Variants in CSMD1 observed in about 807,000 individuals in gnomAD.
CSMD1 encodes the protein CUB and sushi domain-containing protein 1.
Under a neutral mutation model 417.5 loss-of-function variants are expected in CSMD1, and 213 were observed. That is an observed-to-expected ratio of 0.51 (90% CI 0.46 to 0.57). The LOEUF (loss-of-function observed/expected upper bound fraction) is 0.57, where lower values mean the gene tolerates loss of function less well. CSMD1 is among the 20% of genes least tolerant of loss of function. CSMD1 has a pLI of 0.00. For synonymous variants in CSMD1, 2,862 were observed against 1,736.8 expected (o/e 1.65, Z -16.11); for missense variants, 6,923 against 4,529.7 (o/e 1.53, Z -15.17).
intron 1 of CSMD1, among the ~76,000 whole-genome samples, chr8:4,886,829 TCTC>T (rs1442786947): frequency 1.4e-4 from 22 of 152,112 alleles, no homozygotes; most frequent in Non-Finnish European, 4.4e-5. Context: ...TGTTAAATGA[TCTC>T]TTCTGTCATT....
chr8:3,138,023 G>A (rs538398725), intron 41 of CSMD1, among the ~76,000 whole-genome samples: 1 of 152,182 alleles, frequency 6.6e-6, no homozygotes, highest in Non-Finnish European at 1.5e-5. Flanking sequence ...TCAGGAGTTC[G>A]AGACCAACCT....
At chr8:4,077,147 G>T (rs564434623) in intron 3 of CSMD1, among the ~76,000 whole-genome samples, 1 of 151,534 alleles carries the variant, frequency 6.6e-6, no homozygotes, top group Non-Finnish European at 1.5e-5. Context: ...AAAGTTAAAT[G>T]ACGCATCCAA....
rs570894938 is a variant in CSMD1, at chr8:3,578,308, G to C, written c.1223-3242C>G. On this transcript the variant is annotated intron_variant, in intron 9 of 69. Transcript: ENST00000635120. Reference sequence around the variant, plus strand: ...GCTTTGTACTGAGTAGATCCAATGAGTGAGTGTCCTTGCTCAGGGAGCTTT... The same window carrying C: ...GCTTTGTACTGAGTAGATCCAATGACTGAGTGTCCTTGCTCAGGGAGCTTT... Among the ~76,000 whole-genome samples, 155 of 130,852 alleles carry C rather than the reference G, an allele frequency of 1.2e-3. 2 individuals are homozygous for C. The highest frequency in any genetic ancestry group is 3.4e-3 in the African/African-American group (139 of 40,734). 85.8% of individuals were successfully genotyped at this position (130,852 alleles called of 152,430 possible).
At chr8:3,246,529 T>G (rs892150705) in intron 26 of CSMD1, among the ~76,000 whole-genome samples, 6 of 152,210 alleles carry the variant, frequency 3.9e-5, no homozygotes, top group Non-Finnish European at 1.5e-5. Context: ...TGGTGTGCAG[T>G]GACTCAGTCT....
chr8:4,569,799 G>C (rs1055521778), intron 2 of CSMD1, among the ~76,000 whole-genome samples: 6 of 152,178 alleles, frequency 3.9e-5, no homozygotes, highest in Middle Eastern at 3.4e-3. Flanking sequence ...CCATTTGTTT[G>C]TGTCCTCTTT....
At chr8:3,183,281 C>G (rs1821537545) in intron 36 of CSMD1, 1 of 142,868 alleles carries the variant, frequency 7.0e-6, no homozygotes, top group South Asian at 2.3e-4. Context: ...CCTAATCTAT[C>G]TATCCCTGAA....
chr8:4,289,896 T>C (rs1797267098), intron 3 of CSMD1, among the ~76,000 whole-genome samples: 1 of 152,162 alleles, frequency 6.6e-6, no homozygotes, highest in Non-Finnish European at 1.5e-5. Flanking sequence ...CAGGAATGAA[T>C]CAAATGGTAC....
chr8:3,263,157 G>A (rs1402247825), intron 26 of CSMD1, among the ~76,000 whole-genome samples: 2 of 152,120 alleles, frequency 1.3e-5, no homozygotes, highest in Non-Finnish European at 2.9e-5. Context: ...GGAGTGCAGT[G>A]GCATGATCGC....
intron 16 of CSMD1, among the ~76,000 whole-genome samples, chr8:3,397,650 C>A (rs191344761): frequency 1.1e-4 from 16 of 152,280 alleles, no homozygotes; most frequent in African/African-American, 2.9e-4. Flanking sequence ...AGTTCAAATT[C>A]AAGAAGTCTG....
At position 3,904,891 on chromosome 8, in the gene CSMD1, C is replaced by T. The variant is rs372484393; in HGVS notation, c.818+93012G>A. 1.5e-3 allele frequency among the ~76,000 whole-genome samples: 226 copies of T among 152,248 alleles called. 1 individual carries two copies. The highest frequency in any genetic ancestry group is 5.1e-3 in the African/African-American group (212 of 41,554). ...ACCTCAAGTGATCCACCTGCTTCCGCCTCCCAAAGGGCTGAGATTACAGGT... is the reference window on the plus strand; with the variant it reads ...ACCTCAAGTGATCCACCTGCTTCCGTCTCCCAAAGGGCTGAGATTACAGGT... On this transcript the variant is annotated intron_variant, in intron 5 of 69. Transcript: ENST00000635120.
intron 7 of CSMD1, among the ~76,000 whole-genome samples, chr8:3,697,885 C>G (rs935582335): frequency 1.1e-4 from 17 of 152,008 alleles, no homozygotes; most frequent in African/African-American, 3.9e-4. Context: ...GCTCTCTAGC[C>G]ATTACGCAAA....
At chr8:3,696,606 G>A (rs1316305045) in intron 7 of CSMD1, among the ~76,000 whole-genome samples, 2 of 152,124 alleles carry the variant, frequency 1.3e-5, no homozygotes, top group African/African-American at 2.4e-5. Flanking sequence ...AAAAAAATGA[G>A]CGCTTTGGAA....
chr8:4,812,394 C>G (rs1216015208), intron 1 of CSMD1, among the ~76,000 whole-genome samples: 1 of 152,062 alleles, frequency 6.6e-6, no homozygotes, highest in Non-Finnish European at 1.5e-5. Flanking sequence ...TTCTACTGCT[C>G]TATAGCACAG....
At chr8:3,589,219 C>G (rs1344183376) in intron 8 of CSMD1, among the ~76,000 whole-genome samples, 1 of 152,120 alleles carries the variant, frequency 6.6e-6, no homozygotes, top group Non-Finnish European at 1.5e-5. Context: ...ACTACATGAT[C>G]TAGAATTTCA....
intron 5 of CSMD1, among the ~76,000 whole-genome samples, chr8:3,762,422 C>A (rs986224427): frequency 4.6e-5 from 7 of 152,206 alleles, no homozygotes; most frequent in African/African-American, 1.7e-4. Flanking sequence ...CCTGACACGC[C>A]AGACTTACCC....
intron 3 of CSMD1, among the ~76,000 whole-genome samples, chr8:4,189,626 G>T: frequency 6.6e-6 from 1 of 152,254 alleles, no homozygotes; most frequent in African/African-American, 2.4e-5. Flanking sequence ...AAGACCCCTA[G>T]CAAAGACCCT....
chr8:3,894,854 G>A (rs935496807), intron 5 of CSMD1, among the ~76,000 whole-genome samples: 1 of 152,130 alleles, frequency 6.6e-6, no homozygotes, highest in African/African-American at 2.4e-5. Flanking sequence ...CTATTCTAAA[G>A]GAACATTATT....
chr8:2,999,445 C>T (rs1038584783), intron 53 of CSMD1, among the ~76,000 whole-genome samples: 2 of 152,134 alleles, frequency 1.3e-5, no homozygotes, highest in Admixed American at 6.5e-5. Flanking sequence ...TGAGCCACCA[C>T]GCCTGGCCAA....
At chr8:3,219,212 T>C in intron 29 of CSMD1, 43 bp downstream of exon 29, 22 of 1,491,246 alleles carry the variant, frequency 1.5e-5, no homozygotes, top group Non-Finnish European at 2.0e-5. Flanking sequence ...AAAACAGTCC[T>C]GATACAAATT....
Sources: allele counts gnomAD v4.1 joint callset (sites outside exome capture counted in the v4.1 genomes callset), GRCh38; gene constraint gnomAD v4.1.1; transcripts MANE v1.5; gene names NCBI Gene and HGNC (gene_info 2026-07-23, HGNC 2026-07-21).